Variants in PPP2R1B observed in about 807,000 individuals in gnomAD.
PPP2R1B encodes the protein serine/threonine-protein phosphatase 2A 65 kDa regulatory subunit A beta isoform.
A neutral mutation model predicts 72.7 loss-of-function variants in PPP2R1B; 58 were observed. The ratio of observed to expected loss-of-function variants is 0.80; its 90% CI spans 0.65 to 0.99. The LOEUF (loss-of-function observed/expected upper bound fraction) is 0.99, where lower values mean the gene tolerates loss of function less well. Ranked by LOEUF, PPP2R1B falls within the 50% of genes least tolerant of loss-of-function variation. The probability of loss-of-function intolerance (pLI) is 0.00; values close to 1 mark genes in which losing one functional copy is unlikely to be tolerated. For synonymous variants in PPP2R1B, 256 were observed against 264.6 expected, an observed-to-expected ratio of 0.97 and a Z score of 0.32; for missense variants, 695 against 733.6, an observed-to-expected ratio of 0.95 and a Z score of 0.61.
intron 9 of PPP2R1B, among the ~76,000 whole-genome samples, chr11:111,752,782 T>C (rs1944957851): frequency 6.6e-6 from 1 of 152,100 alleles, no homozygotes; most frequent in African/African-American, 2.4e-5. Flanking sequence ...GAGACCACAG[T>C]GAAACCCCGT....
At chr11:111,755,568 T>G (rs1945078260) in intron 5 of PPP2R1B, 118 bp from the exon 6 acceptor site, 4 of 912,224 alleles carry the variant, frequency 4.4e-6, no homozygotes, top group Non-Finnish European at 6.1e-6. Flanking sequence ...CCTTATATAG[T>G]TTCACGTCTT....
the PPP2R1B span, among the ~76,000 whole-genome samples, chr11:111,695,563 CCT>C: frequency 6.6e-6 from 1 of 152,160 alleles, no homozygotes; most frequent in South Asian, 2.1e-4. Flanking sequence ...TTTTTCACCG[CCT>C]CTGTTTTATT....
chr11:111,741,701 A>T, intron 14 of PPP2R1B, 89 bp from the exon 15 acceptor site: 1 of 1,383,502 alleles, frequency 7.2e-7, no homozygotes, highest in Non-Finnish European at 1.0e-6. Context: ...AATGATCCAA[A>T]CGTATCAAAC....
chr11:111,720,151 A>G, the PPP2R1B span: 1 of 823,758 alleles, frequency 1.2e-6, no homozygotes, highest in Admixed American at 2.2e-5. Flanking sequence ...TATAGCAGAC[A>G]CAGCCTGGCA....
the PPP2R1B span, chr11:111,700,760 C>A: frequency 1.8e-6 from 2 of 1,125,524 alleles, no homozygotes; most frequent in Non-Finnish European, 2.5e-6. Context: ...AGATAAGATG[C>A]CATCCCAGTC....
intron 3 of PPP2R1B, among the ~76,000 whole-genome samples, chr11:111,762,553 C>CTTT (rs11431567): frequency 1.3e-4 from 18 of 136,152 alleles, no homozygotes; most frequent in Non-Finnish European, 2.0e-4. Context: ...TCCAGCAGTT[C>CTTT]TTTTTTTTTT....
the PPP2R1B span, chr11:111,719,952 C>T: frequency 8.1e-6 from 13 of 1,614,026 alleles, no homozygotes; most frequent in Non-Finnish European, 1.0e-5. Context: ...CGGGCAGAGA[C>T]GGCACACTCT....
At chr11:111,748,145 A>C in intron 10 of PPP2R1B, 131 bp from the exon 11 acceptor site, 1 of 686,756 alleles carries the variant, frequency 1.5e-6, no homozygotes, top group Non-Finnish European at 2.4e-6. Context: ...AGAGATAGAA[A>C]CACCACAGGA....
chr11:111,690,769 C>G, the PPP2R1B span, among the ~76,000 whole-genome samples: 2 of 152,172 alleles, frequency 1.3e-5, no homozygotes, highest in Non-Finnish European at 2.9e-5. Flanking sequence ...TCATCCATGT[C>G]CCTGCAAAGG....
intron 5 of PPP2R1B, among the ~76,000 whole-genome samples, 154 bp downstream of exon 5, chr11:111,759,650 T>C (rs1401765199): frequency 2.0e-5 from 3 of 152,170 alleles, no homozygotes; most frequent in Non-Finnish European, 2.9e-5. Context: ...CATAAGAACA[T>C]TGAGATAAGC....
At chr11:111,712,640 C>T in the PPP2R1B span, among the ~76,000 whole-genome samples, 1 of 152,120 alleles carries the variant, frequency 6.6e-6, no homozygotes. Flanking sequence ...CTCACTAATT[C>T]CTTCTCTCTT....
At chr11:111,698,653 G>A in the PPP2R1B span, among the ~76,000 whole-genome samples, 1 of 152,180 alleles carries the variant, frequency 6.6e-6, no homozygotes, top group African/African-American at 2.4e-5. Flanking sequence ...GAGGACTGCA[G>A]TGAGCTGAGA....
chr11:111,766,152 A>G, intron 1 of PPP2R1B, 96 bp downstream of exon 1: 1 of 1,192,210 alleles, frequency 8.4e-7, no homozygotes, highest in Non-Finnish European at 1.2e-6. Context: ...CGACTCATTC[A>G]GTACCTCGGC....
downstream of PPP2R1B, among the ~76,000 whole-genome samples, chr11:111,733,322 G>A (rs1053647596): frequency 6.6e-6 from 1 of 152,186 alleles, no homozygotes; most frequent in East Asian, 1.9e-4. Context: ...AGCCAGCACA[G>A]TGTCTGGGAG....
At chr11:111,700,076 G>A in the PPP2R1B span, among the ~76,000 whole-genome samples, 1 of 152,192 alleles carries the variant, frequency 6.6e-6, no homozygotes, top group Non-Finnish European at 1.5e-5. Flanking sequence ...AGACTATAAA[G>A]GCTTAGCAAA....
At chr11:111,746,433 A>G (rs1397442464) in intron 11 of PPP2R1B, among the ~76,000 whole-genome samples, 3 of 152,172 alleles carry the variant, frequency 2.0e-5, no homozygotes, top group East Asian at 3.8e-4. Flanking sequence ...ATCAGAACAC[A>G]TGAATACAGG....
chr11:111,720,728 G>A, the PPP2R1B span: 12 of 1,606,436 alleles, frequency 7.5e-6, no homozygotes, highest in East Asian at 1.3e-4. Context: ...GCTTCAGAGA[G>A]GGCCGCAGAG....
intron 9 of PPP2R1B, among the ~76,000 whole-genome samples, chr11:111,752,572 G>A (rs1944949985): frequency 6.6e-6 from 1 of 152,190 alleles, no homozygotes; most frequent in Admixed American, 6.5e-5. Flanking sequence ...ATGGTAAAGA[G>A]CATAATCTCT....
At chr11:111,751,573 A>G (rs892596459) in intron 10 of PPP2R1B, among the ~76,000 whole-genome samples, 15 of 152,260 alleles carry the variant, frequency 9.9e-5, no homozygotes, top group Admixed American at 3.9e-4. Flanking sequence ...CTGCTCAACC[A>G]GTAAATATTT....
Sources: gnomAD v4.1 joint callset for allele counts (sites outside exome capture counted in the v4.1 genomes callset) on GRCh38, gnomAD v4.1.1 for gene constraint, MANE v1.5 for transcripts, NCBI Gene and HGNC (gene_info 2026-07-23, HGNC 2026-07-21) for gene names.